Variants in ATP13A3 observed in about 807,000 individuals in gnomAD.
ATP13A3 encodes the protein ATPase 13A3.
ATP13A3 carries 59 observed loss-of-function variants against 158.1 expected under a neutral mutation model. The ratio of observed to expected loss-of-function variants is 0.37; its 90% confidence interval spans 0.30 to 0.46. The LOEUF is 0.46. Among genes scored for constraint, ATP13A3 ranks in the 20% least tolerant of loss-of-function variants. The probability of loss-of-function intolerance (pLI) is 1.00; values close to 1 mark genes in which losing one functional copy is unlikely to be tolerated. For synonymous variants in ATP13A3, 491 were observed against 504.3 expected (o/e 0.97, Z 0.35); for missense variants, 1,166 against 1,525.2 (o/e 0.76, Z 3.92).
intron 33 of ATP13A3, among the ~76,000 whole-genome samples, chr3:194,409,042 C>CG (rs924204819): frequency 6.6e-6 from 1 of 152,140 alleles, no homozygotes; most frequent in Non-Finnish European, 1.5e-5. Flanking sequence ...CTATAGCAAC[C>CG]GGATCTTTCA....
Position 194,431,251 on chromosome 3 carries a change from A to G in ATP13A3, c.2422-25T>C, listed in dbSNP as rs183838047. The G allele has an allele frequency of 1.4e-4, 212 of 1,561,008 alleles. 1 individual carries two copies. In the African/African-American group the frequency reaches 2.7e-3, roughly 20 times the overall value. On this transcript the variant is annotated intron_variant, in intron 22 of 33. Coordinates refer to ENST00000645319, the MANE Select transcript of ATP13A3 (RefSeq NM_001367549.1). ...CCTGTGTATATGAGACATTGGGAAC[A>G]ATATTTAGGCAACCAAACCAAGTAA...
In ATP13A3 at chr3:194,430,915, C is replaced by G. The variant is rs761396177; in HGVS notation, c.2624+28G>C. The G allele has an allele frequency of 4.5e-6, 7 of 1,546,378 alleles. No individual in the cohort carries two copies. In the East Asian group the frequency reaches 1.6e-4, roughly 36 times the overall value. ...AATGAAACCATCATTCATCAAAAAC[C>G]AAAACCAAAAAAGACACCAATACTT... On this transcript the variant is annotated intron_variant, in intron 24 of 33. Transcript: ENST00000645319.
rs1319961776 is a variant in ATP13A3 at position 194,447,972 on chromosome 3, T to G, written c.1188A>C (p.Ile396=). Residue 396 remains isoleucine, a synonymous_variant, in exon 13 of 34, where the codon ATA becomes ATC. Coordinates refer to ENST00000645319, the MANE Select transcript of ATP13A3 (RefSeq NM_001367549.1). ...TAAAATCAGTTGGTTTGGGATACAA[T>G]ATGGAACGAACAAGCTGTCCTTTGG... The part of the protein sequence containing the change: ...STSKGQLVRS[I]LYPKPTDFKL... The G allele has an allele frequency of 9.9e-6, 16 of 1,610,034 alleles. No homozygotes were observed. The East Asian group carries it at 3.6e-4, about 36-fold the overall frequency.
chr3:194,450,427 T>C (rs1330667546), intron 10 of ATP13A3, 151 bp from the exon 11 acceptor site: 1 of 727,824 alleles, frequency 1.4e-6, no homozygotes, highest in Non-Finnish European at 2.2e-6. Context: ...TTTTAACAAA[T>C]AAGATTATTA....
At chr3:194,458,828 A>C (rs1439681707) in intron 6 of ATP13A3, among the ~76,000 whole-genome samples, 2 of 152,192 alleles carry the variant, frequency 1.3e-5, no homozygotes, top group Non-Finnish European at 2.9e-5. Context: ...TTTATTTTTT[A>C]CTTCCAATAG....
At chr3:194,452,417 G>C (rs1439204113) in intron 10 of ATP13A3, 1 of 152,214 alleles carries the variant, frequency 6.6e-6, no homozygotes, top group East Asian at 1.9e-4. Context: ...CCTTGAACCT[G>C]GGAGGCGGAG....
intron 2 of ATP13A3, among the ~76,000 whole-genome samples, chr3:194,482,480 A>T (rs1335920644): frequency 6.6e-6 from 1 of 152,196 alleles, no homozygotes; most frequent in Non-Finnish European, 1.5e-5. Context: ...TACCTTACAA[A>T]TATCTACTTT....
chr3:194,480,298 A>G (rs1251298986), intron 2 of ATP13A3, among the ~76,000 whole-genome samples: 2 of 152,174 alleles, frequency 1.3e-5, no homozygotes, highest in Non-Finnish European at 2.9e-5. Flanking sequence ...TGAAGCCCAC[A>G]TTTTTATCCA....
At chr3:194,485,475 G>A (rs895796863) in intron 2 of ATP13A3, among the ~76,000 whole-genome samples, 13 of 152,112 alleles carry the variant, frequency 8.5e-5, no homozygotes, top group Admixed American at 7.2e-4. Flanking sequence ...TGTTCATTAC[G>A]TACTCACCCT....
At chr3:194,454,813 G>A (rs901881285) in intron 8 of ATP13A3, among the ~76,000 whole-genome samples, 2 of 144,386 alleles carry the variant, frequency 1.4e-5, no homozygotes, top group Non-Finnish European at 3.0e-5. Context: ...GACAGAGCGA[G>A]ACTCCGTCTC....
At chr3:194,457,792 T>A (rs1433246424) in intron 6 of ATP13A3, among the ~76,000 whole-genome samples, 1 of 150,778 alleles carries the variant, frequency 6.6e-6, no homozygotes, top group Non-Finnish European at 1.5e-5. Context: ...ATGCTTTTTT[T>A]TTTTTTTTTT....
intron 2 of ATP13A3, among the ~76,000 whole-genome samples, chr3:194,480,440 A>C (rs960864810): frequency 4.6e-5 from 7 of 152,190 alleles, no homozygotes; most frequent in Non-Finnish European, 7.3e-5. Context: ...AATTTCATGG[A>C]ATCCATTAAT....
upstream of ATP13A3, among the ~76,000 whole-genome samples, chr3:194,489,492 C>T (rs1721120797): frequency 6.6e-6 from 1 of 152,130 alleles, no homozygotes. The surrounding 1 kb of genome is among the most constrained non-coding windows in gnomAD (Gnocchi z 4.1). Context: ...TCCTTTCCAG[C>T]CTGAATTGTT....
chr3:194,415,500 A>T (rs1715769478), intron 31 of ATP13A3, among the ~76,000 whole-genome samples: 1 of 152,204 alleles, frequency 6.6e-6, no homozygotes. Context: ...TACTGCTGGT[A>T]AGACTACAAC....
At chr3:194,408,181 G>A (rs560616328) in intron 33 of ATP13A3, among the ~76,000 whole-genome samples, 14 of 152,038 alleles carry the variant, frequency 9.2e-5, no homozygotes, top group Non-Finnish European at 1.8e-4. Flanking sequence ...CACCACGCCC[G>A]GCTAATTTTT....
chr3:194,427,312 G>C lies in ATP13A3; in HGVS notation c.2948-60C>G, dbSNP rs1716859223. ...TTACATTAATCTATCACTATATAAG[G>C]CATAACTAGATTCATTTAGGAACTT... On this transcript the variant is annotated intron_variant, in intron 28 of 33. Coordinates refer to ENST00000645319, the MANE Select transcript of ATP13A3 (RefSeq NM_001367549.1). 25 of 1,405,076 alleles carry C rather than the reference G, an allele frequency of 1.8e-5. No individual in the cohort carries two copies. The South Asian group carries it at 3.5e-4, about 20-fold the overall frequency. 87.0% of individuals were successfully genotyped at this position (1,405,076 alleles called of 1,614,324 possible).
Position 194,459,871 on chromosome 3 carries a change from C to A in ATP13A3, c.326G>T (p.Gly109Val), listed in dbSNP as rs1217961704. 1 of 1,613,352 alleles carries A rather than the reference C, an allele frequency of 6.2e-7. No homozygotes were observed. The highest frequency in any genetic ancestry group is 8.5e-7 in the Non-Finnish European group (1 of 1,179,590). Residue 109 changes from glycine to valine, a missense_variant, in exon 5 of 34, where the codon GGC becomes GTC. Gly to Val is a moderately radical substitution (Grantham distance 109). Coordinates refer to ENST00000645319, the MANE Select transcript of ATP13A3 (RefSeq NM_001367549.1). ...ATTCTCAATTAAACAAACTGCATGG[C>A]CATTTGAAAGCTTATTAGACATAGA... is the stretch of plus-strand genomic sequence containing the variant. ...PKSMSNKLSN[G>V]HAVCLIENPT...
chr3:194,453,563 C>T lies in ATP13A3; in HGVS notation c.838+143G>A, dbSNP rs945422384. On this transcript the variant is annotated intron_variant, in intron 10 of 33. Coordinates refer to ENST00000645319, the MANE Select transcript of ATP13A3 (RefSeq NM_001367549.1). The stretch of plus-strand genomic sequence containing the variant: ...GCAGTAAGCTGAGATTGTGCCTTTG[C>T]ACTCCAGCCTAAGTGACAGAGACAC... 4 of 650,066 alleles carry T rather than the reference C, an allele frequency of 6.2e-6. No individual in the cohort carries two copies. In the East Asian group the frequency reaches 9.1e-5, roughly 15 times the overall value. The allele number at this position is 650,066 out of a possible 1,614,324, so 40.3% of individuals were successfully genotyped here.
At chr3:194,441,989 C>T (rs750812682) in intron 15 of ATP13A3, among the ~76,000 whole-genome samples, 8 of 152,134 alleles carry the variant, frequency 5.3e-5, no homozygotes, top group Non-Finnish European at 1.2e-4. Flanking sequence ...AATTTATTGG[C>T]CCATTATCCT....
Sources: gnomAD v4.1 joint callset for allele counts (sites outside exome capture counted in the v4.1 genomes callset) on GRCh38, gnomAD v4.1.1 for gene constraint, Gnocchi (gnomAD v3.1) non-coding constraint, MANE v1.5 for transcripts, NCBI Gene and HGNC (gene_info 2026-07-23, HGNC 2026-07-21) for gene names.